The following ANKMY1 variants were observed in gnomAD, a reference collection of about 807,000 sequenced individuals.
ANKMY1 encodes ankyrin repeat and MYND domain containing 1.
Under a neutral mutation model 102.0 loss-of-function variants are expected in ANKMY1, and 98 were observed. That is an observed-to-expected ratio of 0.96 (90% confidence interval 0.82 to 1.14). The LOEUF is 1.14. ANKMY1 is among the 50% of genes most tolerant of loss of function. ANKMY1 has a pLI of 0.00. For missense variants in ANKMY1, 1,330 were observed against 1,347.6 expected, an observed-to-expected ratio of 0.99 and a Z score of 0.20; for synonymous variants, 582 against 559.9, an observed-to-expected ratio of 1.04 and a Z score of -0.56.
At chr2:240,501,535 C>T (rs1020825175) in intron 13 of ANKMY1, among the ~76,000 whole-genome samples, 1 of 152,030 alleles carries the variant, frequency 6.6e-6, no homozygotes, top group African/African-American at 2.4e-5. Flanking sequence ...AGGCTCACTG[C>T]TGTGTGCGTG....
chr2:240,503,540 G>C (rs752838761), intron 13 of ANKMY1, among the ~76,000 whole-genome samples: 1 of 152,190 alleles, frequency 6.6e-6, no homozygotes, highest in Non-Finnish European at 1.5e-5. Context: ...CGAGCTTCAC[G>C]CGTTCATTTC....
intron 9 of ANKMY1, among the ~76,000 whole-genome samples, chr2:240,519,014 C>T (rs746880834): frequency 6.6e-6 from 1 of 152,214 alleles, no homozygotes; most frequent in Admixed American, 6.5e-5. Flanking sequence ...CCCATCAACA[C>T]CCTGTGAAGA....
chr2:240,556,191 AG>A (rs760887815), intron 2 of ANKMY1, among the ~76,000 whole-genome samples: 3 of 151,352 alleles, frequency 2.0e-5, no homozygotes, highest in Non-Finnish European at 4.5e-5. Context: ...TGTTGGGAAA[AG>A]GGCTTGTGGG....
chr2:240,508,840 A>T (rs554143921), intron 12 of ANKMY1, among the ~76,000 whole-genome samples: 37 of 152,026 alleles, frequency 2.4e-4, no homozygotes, highest in African/African-American at 8.9e-4. Context: ...ATGTCTAGGT[A>T]GGTGGGTGGG....
intron 9 of ANKMY1, among the ~76,000 whole-genome samples, chr2:240,517,933 A>C (rs2152294076): frequency 6.6e-6 from 1 of 152,284 alleles, no homozygotes; most frequent in South Asian, 2.1e-4. Context: ...TTGGAAAGAA[A>C]GATTGCATTT....
intron 9 of ANKMY1, among the ~76,000 whole-genome samples, chr2:240,518,493 G>A (rs1270031667): frequency 1.3e-5 from 2 of 152,168 alleles, no homozygotes; most frequent in African/African-American, 2.4e-5. Context: ...TGCTCTCCCT[G>A]GTGCAGCACC....
chr2:240,480,039 G>A (rs1449344214), intron 17 of ANKMY1, among the ~76,000 whole-genome samples: 2 of 152,112 alleles, frequency 1.3e-5, no homozygotes, highest in Non-Finnish European at 1.5e-5. Context: ...GTGAAACCAC[G>A]TCTCTACTAA....
At chr2:240,541,009 CA>C (rs1208312256) in intron 4 of ANKMY1, among the ~76,000 whole-genome samples, 11 of 152,226 alleles carry the variant, frequency 7.2e-5, no homozygotes, top group African/African-American at 2.7e-4. Context: ...TGGGCCCAAA[CA>C]GCAGGATCTG....
chr2:240,500,022 T>C lies in ANKMY1; in HGVS notation c.2742A>G (p.Leu914=), dbSNP rs567466589. 2 of 1,613,096 alleles carry C rather than the reference T, an allele frequency of 1.2e-6. No homozygotes were observed. The highest frequency in any genetic ancestry group is 1.3e-5 in the African/African-American group (1 of 75,044). The change falls in exon 15 of 18, where the codon CTA becomes CTG. Residue 914 remains leucine, a synonymous_variant. Coordinates refer to ENST00000401804, the MANE Select transcript of ANKMY1 (RefSeq NM_001282771.3). Reference sequence around the variant, plus strand: ...TCTCCTTGGCAAAGACAGCCTGCCGTAGCTGCAAGCCCATGTACTCCAGGA... The same window carrying C: ...TCTCCTTGGCAAAGACAGCCTGCCGCAGCTGCAAGCCCATGTACTCCAGGA... ...KRLLEYMGLQ[L]RQAVFAKESQ... is the part of the protein sequence containing the mutation.
chr2:240,521,125 C>A (rs550363387), intron 8 of ANKMY1, among the ~76,000 whole-genome samples: 5 of 151,856 alleles, frequency 3.3e-5, no homozygotes, highest in Admixed American at 2.0e-4. Flanking sequence ...CCGCGCAGGG[C>A]TGAGGGAGGA....
chr2:240,525,984 A>G lies in ANKMY1; in HGVS notation c.1171-135T>C, dbSNP rs938751497. 5.0e-6 allele frequency: 6 copies of G among 1,206,480 alleles called. No individual in the cohort carries two copies. In the Admixed American group the frequency reaches 8.1e-5, roughly 16 times the overall value. 74.7% of individuals were successfully genotyped at this position (1,206,480 alleles called of 1,614,324 possible). ...ACCAGTGCTCATTCGGGAGCTTGGC[A>G]AAGGGACAAGTGTGGGACAGAGGAA... On this transcript the variant is annotated intron_variant, in intron 6 of 17. Coordinates refer to ENST00000401804, the MANE Select transcript of ANKMY1 (RefSeq NM_001282771.3).
chr2:240,469,677 C>T, the ANKMY1 span, among the ~76,000 whole-genome samples: 1 of 149,742 alleles, frequency 6.7e-6, no homozygotes, highest in South Asian at 2.1e-4. Flanking sequence ...CACATTTACA[C>T]ACACAAACGA....
chr2:240,552,966 AG>A lies in ANKMY1; in HGVS notation c.427del (p.Leu143SerfsTer12), dbSNP rs1292031073. ...DGSSFTGTFY[L>X]SHREGYGTMY... is the part of the protein sequence containing the mutation. ...GGTGCCGTAGCCTTCTCGGTGGCTG[AG>A]GTAAAATGTGCCCGTGAAACTGGAG... On this transcript the variant is annotated frameshift_variant, in exon 4 of 18. Transcript: ENST00000401804. LOFTEE classifies it high-confidence loss of function. The A allele has an allele frequency of 6.2e-7, 1 of 1,610,886 alleles. No individual in the cohort carries two copies. The highest frequency in any genetic ancestry group is 1.7e-5 in the Admixed American group (1 of 59,714).
intron 2 of ANKMY1, among the ~76,000 whole-genome samples, chr2:240,556,316 C>G (rs1575396938): frequency 6.6e-6 from 1 of 152,200 alleles, no homozygotes; most frequent in East Asian, 1.9e-4. Flanking sequence ...CATCATGTTC[C>G]CATGCCCAGA....
At chr2:240,503,314 G>C (rs373809807) in intron 13 of ANKMY1, among the ~76,000 whole-genome samples, 39 of 152,314 alleles carry the variant, frequency 2.6e-4, no homozygotes, top group Non-Finnish European at 5.3e-4. Flanking sequence ...AGAAATGTTC[G>C]TGAGAAGAGG....
rs1220858869 is a variant in ANKMY1, at chr2:240,545,512, A to G, written c.480+7402T>C. On this transcript the variant is annotated intron_variant, in intron 4 of 17. Coordinates refer to ENST00000401804, the MANE Select transcript of ANKMY1 (RefSeq NM_001282771.3). ...GCAACGGAACAAAGCTGGACGGAGA[A>G]TGACTTTGACGAGCTGAGAGAAGAA... 7.2e-5 allele frequency among the ~76,000 whole-genome samples: 11 copies of G among 152,358 alleles called. No individual in the cohort carries two copies. In the East Asian group the frequency reaches 2.1e-3, roughly 29 times the overall value.
chr2:240,553,438 G>A (rs938442188), intron 3 of ANKMY1: 11 of 241,952 alleles, frequency 4.5e-5, no homozygotes, highest in African/African-American at 2.2e-4. Flanking sequence ...CAGGTTCACA[G>A]GTGACAGGCT....
rs1408482221 is a variant in ANKMY1 at position 240,520,135 on chromosome 2, G to C, written c.2004+227C>G. 1 of 761,640 alleles carries C rather than the reference G, an allele frequency of 1.3e-6. No homozygotes were observed. Among genetic ancestry groups the C allele is most frequent in the African/African-American group, 1.7e-5 (1 of 58,132 alleles). 47.2% of individuals were successfully genotyped at this position (761,640 alleles called of 1,614,324 possible). On this transcript the variant is annotated intron_variant, in intron 9 of 17. Transcript: ENST00000401804. The surrounding 1 kb of genome is among the most constrained non-coding windows in gnomAD (Gnocchi z 4.8). ...CTGGGAAAAAAATCACACGGATCGT[G>C]AAGTACTCTAAAAACTAGCTCGGTG...
intron 3 of ANKMY1, 110 bp from the exon 4 acceptor site, chr2:240,553,167 G>C: frequency 7.6e-7 from 1 of 1,312,784 alleles, no homozygotes; most frequent in Non-Finnish European, 1.0e-6. Flanking sequence ...ACCACCCAGG[G>C]CTGTGGCAGA....
Sources: allele counts gnomAD v4.1 joint callset (sites outside exome capture counted in the v4.1 genomes callset), GRCh38; gene constraint gnomAD v4.1.1; non-coding constraint Gnocchi (gnomAD v3.1); transcripts MANE v1.5; gene names NCBI Gene and HGNC (gene_info 2026-07-23, HGNC 2026-07-21).